Variants in ROBO2 observed in about 807,000 individuals in gnomAD.
The protein encoded by ROBO2 is roundabout guidance receptor 2, also known as roundabout homolog 2.
ROBO2 carries 53 observed loss-of-function variants against 160.8 expected under a neutral mutation model. That is an observed-to-expected ratio of 0.33 (90% CI 0.26 to 0.41). The LOEUF is 0.41. Ranked by LOEUF, ROBO2 falls within the 10% of genes least tolerant of loss-of-function variation. The probability of loss-of-function intolerance (pLI) is 1.00; values close to 1 mark genes in which losing one functional copy is unlikely to be tolerated. For missense variants in ROBO2, 1,577 were observed against 1,722.4 expected, an observed-to-expected ratio of 0.92 and a Z score of 1.49; for synonymous variants, 664 against 611.7, an observed-to-expected ratio of 1.09 and a Z score of -1.26.
intron 2 of ROBO2, among the ~76,000 whole-genome samples, chr3:77,232,665 G>A (rs532664100): frequency 2.6e-5 from 4 of 152,198 alleles, no homozygotes; most frequent in Admixed American, 2.6e-4. Flanking sequence ...AATTGTTGGA[G>A]TGAACTCCAG....
chr3:77,391,934 A>T (rs2153501640), intron 2 of ROBO2, among the ~76,000 whole-genome samples: 1 of 152,208 alleles, frequency 6.6e-6, no homozygotes, highest in East Asian at 1.9e-4. Flanking sequence ...TCTATTTTCC[A>T]CATGCTTTCT....
chr3:77,421,371 G>A (rs375584563), intron 2 of ROBO2, among the ~76,000 whole-genome samples: 1 of 151,996 alleles, frequency 6.6e-6, no homozygotes, highest in African/African-American at 2.4e-5. Flanking sequence ...CAATCTGATC[G>A]TGTATAACAT....
chr3:77,313,381 G>A (rs1032757009), intron 2 of ROBO2, among the ~76,000 whole-genome samples: 2 of 152,012 alleles, frequency 1.3e-5, no homozygotes, highest in African/African-American at 2.4e-5. Flanking sequence ...GGAATATTCC[G>A]TATGGTCCTT....
intron 2 of ROBO2, among the ~76,000 whole-genome samples, chr3:75,989,842 C>G: frequency 6.6e-6 from 1 of 152,240 alleles, no homozygotes; most frequent in East Asian, 1.9e-4. Flanking sequence ...AACACACATT[C>G]TGTGATTGGT....
intron 2 of ROBO2, among the ~76,000 whole-genome samples, chr3:76,719,317 A>C (rs564319451): frequency 6.6e-6 from 1 of 152,196 alleles, no homozygotes; most frequent in Non-Finnish European, 1.5e-5. Flanking sequence ...AACAATATTC[A>C]TGTTGCCACA....
chr3:77,540,723 G>T (rs9868659), intron 6 of ROBO2, among the ~76,000 whole-genome samples: 6 of 152,050 alleles, frequency 3.9e-5, no homozygotes, highest in African/African-American at 1.5e-4. Flanking sequence ...ACATGCACAG[G>T]GGAACTTAAT....
At chr3:77,439,432 G>A (rs2079668147) in intron 2 of ROBO2, among the ~76,000 whole-genome samples, 1 of 151,816 alleles carries the variant, frequency 6.6e-6, no homozygotes, top group Non-Finnish European at 1.5e-5. Flanking sequence ...GAAGCTACAT[G>A]GCTTTGTGGC....
intron 2 of ROBO2, among the ~76,000 whole-genome samples, chr3:75,949,375 A>G (rs574602112): frequency 1.8e-4 from 27 of 151,882 alleles, no homozygotes; most frequent in African/African-American, 6.5e-4. Flanking sequence ...TTTCCATTTC[A>G]TTTGTGAATT....
chr3:76,608,685 T>C (rs1055246560), intron 2 of ROBO2, among the ~76,000 whole-genome samples: 2 of 152,208 alleles, frequency 1.3e-5, no homozygotes, highest in Admixed American at 6.5e-5. Flanking sequence ...AATGTGTTTT[T>C]TTAGAAGTTT....
At chr3:77,230,538 T>C (rs1450529923) in intron 2 of ROBO2, among the ~76,000 whole-genome samples, 3 of 152,264 alleles carry the variant, frequency 2.0e-5, no homozygotes, top group Non-Finnish European at 4.4e-5. Flanking sequence ...TCCTTTTTGT[T>C]AGAATTGGAC....
intron 2 of ROBO2, among the ~76,000 whole-genome samples, chr3:76,192,524 C>CCA (rs3039244): frequency 0.079 from 10,311 of 130,020 alleles, 612 homozygotes; most frequent in African/African-American, 0.16. Context: ...CAACACTCCA[C>CCA]CACACACACA....
chr3:75,958,582 A>G lies in ROBO2; in HGVS notation c.109+20980A>G, dbSNP rs1267691458. 9.2e-5 allele frequency among the ~76,000 whole-genome samples: 14 copies of G among 151,866 alleles called. No homozygotes were observed. In the East Asian group the frequency reaches 2.7e-3, roughly 30 times the overall value. ...TGAGGATTTCAAGCAAAAGAAACTGATGCAGGAGGGGGCAGCTTTGGAGTC... is the reference window on the plus strand; with the variant it reads ...TGAGGATTTCAAGCAAAAGAAACTGGTGCAGGAGGGGGCAGCTTTGGAGTC... On this transcript the variant is annotated intron_variant, in intron 2 of 26. Coordinates refer to the ROBO2 transcript ENST00000487694.
At chr3:76,053,508 A>G (rs1307911402) in intron 2 of ROBO2, among the ~76,000 whole-genome samples, 1 of 152,080 alleles carries the variant, frequency 6.6e-6, no homozygotes, top group African/African-American at 2.4e-5. Context: ...ACATGTATGT[A>G]TATTTTAGCA....
intron 2 of ROBO2, among the ~76,000 whole-genome samples, chr3:76,232,127 G>A (rs531515026): frequency 2.3e-3 from 352 of 152,244 alleles, no homozygotes; most frequent in Middle Eastern, 6.8e-3. Context: ...CAGCTACAGA[G>A]ACAGCACTCA....
chr3:77,606,330 T>C (rs2094525572), intron 20 of ROBO2, among the ~76,000 whole-genome samples: 1 of 152,208 alleles, frequency 6.6e-6, no homozygotes, highest in South Asian at 2.1e-4. Flanking sequence ...GTAGTAACTT[T>C]ATATCTGTTT....
intron 21 of ROBO2, among the ~76,000 whole-genome samples, chr3:77,613,079 A>G (rs1168456130): frequency 6.6e-6 from 1 of 152,214 alleles, no homozygotes; most frequent in African/African-American, 2.4e-5. Context: ...CAAATACAAT[A>G]TTTATATGGT....
At chr3:75,946,616 A>G (rs111868693) in intron 2 of ROBO2, among the ~76,000 whole-genome samples, 2 of 152,030 alleles carry the variant, frequency 1.3e-5, no homozygotes, top group Non-Finnish European at 2.9e-5. Context: ...ATTTCATTTG[A>G]GAGTTGAGTG....
intron 2 of ROBO2, among the ~76,000 whole-genome samples, chr3:76,882,086 TTGTGTG>T (rs10611502): frequency 9.0e-5 from 13 of 144,444 alleles, no homozygotes; most frequent in South Asian, 2.3e-4. Flanking sequence ...CGTAGGTTGG[TTGTGTG>T]TGTGTGTGTG....
chr3:75,940,154 G>A (rs779536390), intron 2 of ROBO2, among the ~76,000 whole-genome samples: 1 of 152,078 alleles, frequency 6.6e-6, no homozygotes, highest in African/African-American at 2.4e-5. Flanking sequence ...TCACTGGGGA[G>A]TCCCAATGTT....
Sources: allele counts gnomAD v4.1 joint callset (sites outside exome capture counted in the v4.1 genomes callset), GRCh38; gene constraint gnomAD v4.1.1; transcripts MANE v1.5; gene names NCBI Gene and HGNC (gene_info 2026-07-23, HGNC 2026-07-21).